HYKK: variants seen among roughly 807,000 people sequenced by gnomAD.
HYKK encodes 5-hydroxy-L-lysine kinase.
In HYKK, 19 loss-of-function variants were observed where a neutral mutation model predicts 29.7. The observed-to-expected ratio is 0.64, with a 90% CI of 0.45 to 0.94. The LOEUF is 0.94. Among genes scored for constraint, HYKK ranks in the 40% least tolerant of loss-of-function variants. The probability of loss-of-function intolerance (pLI) is 0.00; values close to 1 mark genes in which losing one functional copy is unlikely to be tolerated. For synonymous variants in HYKK, 152 were observed against 158.1 expected (o/e 0.96, Z 0.29); for missense variants, 390 against 443.4 (o/e 0.88, Z 1.08).
chr15:78,520,672 C>G (rs967786456), intron 3 of HYKK, among the ~76,000 whole-genome samples: 3 of 152,198 alleles, frequency 2.0e-5, no homozygotes, highest in Non-Finnish European at 4.4e-5. Context: ...TCCGATTTCT[C>G]AATGTTTTCC....
In HYKK at chr15:78,536,023, G is replaced by GT. The variant is rs1446943936; in HGVS notation, c.*2359dup. 6.6e-6 allele frequency: 1 copy of GT among 152,112 alleles called. No homozygotes were observed. The highest frequency in any genetic ancestry group is 2.1e-4 in the South Asian group (1 of 4,824). 9.4% of individuals were successfully genotyped at this position (152,112 alleles called of 1,614,324 possible). On this transcript the variant is annotated 3_prime_UTR_variant, in exon 5 of 5. Coordinates refer to ENST00000388988, the MANE Select transcript of HYKK (RefSeq NM_001013619.4). Reference sequence around the variant, plus strand: ...TGAGCTATCATACCCAGCCTGTGTTGTTTTTTAACAATATATAATAAAAGC... The same window carrying GT: ...TGAGCTATCATACCCAGCCTGTGTTGTTTTTTTAACAATATATAATAAAAGC...
chr15:78,508,059 C>A (rs1016760929), intron 1 of HYKK, among the ~76,000 whole-genome samples: 5 of 152,188 alleles, frequency 3.3e-5, no homozygotes, highest in African/African-American at 9.7e-5. Context: ...TCTTTTCCTG[C>A]CTCTTGGTTC....
rs377015186 is a variant in HYKK, at chr15:78,527,483, A to G, written c.581A>G (p.Asn194Ser). The change falls in exon 4 of 5, where the codon AAT (asparagine) becomes AGT (serine). Residue 194 changes from asparagine to serine, a missense_variant. Transcript: ENST00000388988. The part of the protein sequence containing the change: ...LEKYLYALGQ[N>S]RNREIVEHVI... ...AAATACCTGTATGCCCTGGGCCAGA[A>G]TCGAAACCGAGAGATTGTTGAGCAT... is the stretch of plus-strand genomic sequence containing the variant. 3 of 1,614,070 alleles carry G rather than the reference A, an allele frequency of 1.9e-6. No homozygotes were observed. The African/African-American group carries it at 4.0e-5, about 22-fold the overall frequency.
chr15:78,514,559 G>A (rs1328544531), intron 2 of HYKK, among the ~76,000 whole-genome samples: 1 of 152,064 alleles, frequency 6.6e-6, no homozygotes, highest in Non-Finnish European at 1.5e-5. Context: ...GCCTGATTCT[G>A]GAAGTCATTT....
At position 78,533,819 on chromosome 15, in the gene HYKK, A is replaced by G; in HGVS notation, c.*149A>G. The G allele has an allele frequency of 1.6e-6, 1 of 618,638 alleles. No homozygotes were observed. The highest frequency in any genetic ancestry group is 2.8e-6 in the Non-Finnish European group (1 of 355,844). The allele number at this position is 618,638 out of a possible 1,614,324, so 38.3% of individuals were successfully genotyped here. On this transcript the variant is annotated 3_prime_UTR_variant, in exon 5 of 5. Coordinates refer to ENST00000388988, the MANE Select transcript of HYKK (RefSeq NM_001013619.4). ...ATATGACAGAGCACATGAAATCCCT[A>G]AGGTCTTCAAGCAATCTCGTGACAA...
intron 3 of HYKK, among the ~76,000 whole-genome samples, chr15:78,525,190 CT>C (rs1224808432): frequency 1.3e-5 from 2 of 151,996 alleles, no homozygotes; most frequent in African/African-American, 4.8e-5. Flanking sequence ...GAGTCTCGCT[CT>C]GTCGCCCAGG....
At chr15:78,526,493 T>C (rs1178235049) in intron 3 of HYKK, among the ~76,000 whole-genome samples, 1 of 152,146 alleles carries the variant, frequency 6.6e-6, no homozygotes, top group Non-Finnish European at 1.5e-5. Flanking sequence ...CTGGTAGAAA[T>C]GACGGCACTA....
chr15:78,514,889 CCT>C (rs148681032), intron 2 of HYKK, 77 bp from the exon 3 acceptor site: 24 of 208,580 alleles, frequency 1.2e-4, no homozygotes, highest in African/African-American at 5.9e-4. Flanking sequence ...TATCTAAATA[CCT>C]CTCTCTCTCT....
chr15:78,535,280 TTTTCTTTTC>T lies in HYKK; in HGVS notation c.*1614_*1622del, dbSNP rs2141367118. The T allele has an allele frequency of 9.8e-6, 1 of 101,528 alleles. No individual in the cohort carries two copies. The highest frequency in any genetic ancestry group is 2.7e-4 in the East Asian group (1 of 3,676). 6.3% of individuals were successfully genotyped at this position (101,528 alleles called of 1,614,324 possible). ...TTTCATTTCATTTCTTTTTCTTTTC[TTTTCTTTTC>T]TTTTTTTTTTTTTTTGGTGGTGGGG... On this transcript the variant is annotated 3_prime_UTR_variant, in exon 5 of 5. Transcript: ENST00000388988.
chr15:78,530,781 G>A (rs192691064), intron 4 of HYKK, among the ~76,000 whole-genome samples: 11 of 152,034 alleles, frequency 7.2e-5, no homozygotes, highest in African/African-American at 2.7e-4. Flanking sequence ...GGCTGCAAGC[G>A]ATCCTCCCAC....
downstream of HYKK, among the ~76,000 whole-genome samples, chr15:78,537,063 A>C (rs1253913963): frequency 1.1e-4 from 17 of 152,186 alleles, no homozygotes; most frequent in Admixed American, 1.1e-3. Context: ...ACTGAGTTAC[A>C]CCATCATCTC....
intron 3 of HYKK, among the ~76,000 whole-genome samples, chr15:78,520,232 A>G (rs983705352): frequency 7.9e-5 from 12 of 151,354 alleles, no homozygotes; most frequent in Non-Finnish European, 1.8e-4. Flanking sequence ...TTATTTATTT[A>G]TTTATTTATT....
chr15:78,515,390 C>A (rs112313978), intron 3 of HYKK, among the ~76,000 whole-genome samples: 6,353 of 152,094 alleles, frequency 0.042, 443 homozygotes, highest in African/African-American at 0.14. Context: ...TTGAGACCAG[C>A]CTGGCCAACA....
intron 1 of HYKK, among the ~76,000 whole-genome samples, chr15:78,511,161 T>C (rs1005191124): frequency 2.0e-4 from 30 of 151,936 alleles, no homozygotes; most frequent in African/African-American, 6.5e-4. Context: ...AATCAAAACA[T>C]ACCCTAAAAT....
chr15:78,508,410 T>A, intron 1 of HYKK, among the ~76,000 whole-genome samples: 1 of 152,204 alleles, frequency 6.6e-6, no homozygotes, highest in East Asian at 1.9e-4. Flanking sequence ...TACTAGACTT[T>A]GTTACACGTT....
intron 3 of HYKK, among the ~76,000 whole-genome samples, chr15:78,519,756 G>T (rs12438181): frequency 6.6e-6 from 1 of 151,864 alleles, no homozygotes; most frequent in Non-Finnish European, 1.5e-5. Context: ...GTGAGACAAC[G>T]TCTCAAAAAA....
intron 3 of HYKK, among the ~76,000 whole-genome samples, chr15:78,525,985 G>A (rs1379369180): frequency 6.6e-6 from 1 of 152,166 alleles, no homozygotes; most frequent in Non-Finnish European, 1.5e-5. Flanking sequence ...GCATCTTCCA[G>A]CGCTCACTCT....
chr15:78,535,099 AC>A lies in HYKK; in HGVS notation c.*1432del, dbSNP rs912364723. 6.6e-6 allele frequency: 1 copy of A among 152,024 alleles called. No homozygotes were observed. Among genetic ancestry groups the A allele is most frequent in the Admixed American group, 6.6e-5 (1 of 15,252 alleles). The allele number at this position is 152,024 out of a possible 1,614,324, so 9.4% of individuals were successfully genotyped here. A position where few individuals can be genotyped will look rare whatever the true frequency, so the allele number is the denominator to read the frequency against. On this transcript the variant is annotated 3_prime_UTR_variant, in exon 5 of 5. Transcript: ENST00000388988. ...TGTCTACAGATGACTCAAGTCTAGAACCCTGGCCATTCAAATACTCAATAGT... is the reference window on the plus strand; with the variant it reads ...TGTCTACAGATGACTCAAGTCTAGAACCTGGCCATTCAAATACTCAATAGT...
At chr15:78,519,132 T>C (rs1026764239) in intron 3 of HYKK, among the ~76,000 whole-genome samples, 8 of 152,202 alleles carry the variant, frequency 5.3e-5, no homozygotes, top group Admixed American at 1.3e-4. Context: ...ATTTATTCCA[T>C]GCGCCACGCT....
Sources: allele counts gnomAD v4.1 joint callset (sites outside exome capture counted in the v4.1 genomes callset), GRCh38; gene constraint gnomAD v4.1.1; transcripts MANE v1.5; gene names NCBI Gene and HGNC (gene_info 2026-07-23, HGNC 2026-07-21).